The following CALN1 variants were observed in gnomAD, a reference collection of about 807,000 sequenced individuals.
CALN1 encodes calcium-binding protein 8.
CALN1 carries 17 observed loss-of-function variants against 30.6 expected under a neutral mutation model. That is an observed-to-expected ratio of 0.56 (90% CI 0.38 to 0.83). The LOEUF (loss-of-function observed/expected upper bound fraction) is 0.83, where lower values mean the gene tolerates loss of function less well. Ranked by LOEUF, CALN1 falls within the 40% of genes least tolerant of loss-of-function variation. The pLI is 0.00. For missense variants in CALN1, 291 were observed against 354.9 expected, an observed-to-expected ratio of 0.82 and a Z score of 1.45; for synonymous variants, 156 against 131.4, an observed-to-expected ratio of 1.19 and a Z score of -1.28.
At chr7:72,168,772 C>T (rs991871909) in intron 3 of CALN1, among the ~76,000 whole-genome samples, 1 of 150,782 alleles carries the variant, frequency 6.6e-6, no homozygotes, top group African/African-American at 2.4e-5. Flanking sequence ...CTGAGAAACA[C>T]TTCAAGGATG....
intron 5 of CALN1, among the ~76,000 whole-genome samples, chr7:71,907,625 T>C (rs1317412451): frequency 6.6e-6 from 1 of 152,230 alleles, no homozygotes; most frequent in Non-Finnish European, 1.5e-5. Context: ...CGATAATACC[T>C]ACTTTGCTAG....
intron 3 of CALN1, among the ~76,000 whole-genome samples, chr7:72,215,572 G>A (rs1792735043): frequency 7.7e-6 from 1 of 129,162 alleles, no homozygotes; most frequent in South Asian, 2.5e-4. Context: ...CTAGCTGGGT[G>A]ACAAGAGCGA....
chr7:72,014,085 CTTTTT>C (rs71092941), intron 5 of CALN1, among the ~76,000 whole-genome samples: 1 of 123,400 alleles, frequency 8.1e-6, no homozygotes, highest in African/African-American at 3.0e-5. Flanking sequence ...TGAGTTGGCT[CTTTTT>C]TTTTTTTTTT....
chr7:71,903,330 G>A (rs946615460), intron 5 of CALN1, among the ~76,000 whole-genome samples: 2 of 152,058 alleles, frequency 1.3e-5, no homozygotes, highest in African/African-American at 4.8e-5. Context: ...AAACAAAGCA[G>A]TATGTTATTG....
intron 3 of CALN1, among the ~76,000 whole-genome samples, chr7:72,195,156 G>A (rs573544560): frequency 4.0e-4 from 61 of 152,212 alleles, no homozygotes; most frequent in Non-Finnish European, 7.2e-4. Flanking sequence ...TGCCTGAAGC[G>A]TCTGTCTTAC....
intron 2 of CALN1, among the ~76,000 whole-genome samples, chr7:72,398,620 G>C (rs1295121119): frequency 6.6e-6 from 1 of 152,182 alleles, no homozygotes; most frequent in Non-Finnish European, 1.5e-5. Context: ...CTTCTAGGTG[G>C]CATCATGGAT....
chr7:72,346,105 T>G (rs1336829629), intron 2 of CALN1, among the ~76,000 whole-genome samples: 1 of 152,246 alleles, frequency 6.6e-6, no homozygotes, highest in African/African-American at 2.4e-5. Context: ...AGTCTATTTA[T>G]TCTTAATTTC....
At chr7:72,138,099 A>G (rs1273392345) in intron 3 of CALN1, among the ~76,000 whole-genome samples, 6 of 152,222 alleles carry the variant, frequency 3.9e-5, no homozygotes, top group Non-Finnish European at 5.9e-5. Flanking sequence ...CAAAAACCAC[A>G]TTTAGTAAAT....
chr7:71,952,733 A>G (rs913923203), intron 5 of CALN1, among the ~76,000 whole-genome samples: 4 of 151,952 alleles, frequency 2.6e-5, no homozygotes, highest in Admixed American at 6.6e-5. Flanking sequence ...CTCTTGCACA[A>G]TCTGCTGAAT....
intron 5 of CALN1, among the ~76,000 whole-genome samples, chr7:71,850,452 A>C (rs1344727899): frequency 6.6e-6 from 1 of 152,220 alleles, no homozygotes; most frequent in Non-Finnish European, 1.5e-5. Context: ...TCCTGACCTC[A>C]GATGATTCAC....
intron 2 of CALN1, among the ~76,000 whole-genome samples, chr7:72,289,485 C>A (rs1168223564): frequency 6.6e-6 from 1 of 152,186 alleles, no homozygotes. Context: ...AAATGTTTAG[C>A]ACTTGGTCTC....
chr7:71,873,293 C>G (rs554930173), intron 5 of CALN1, among the ~76,000 whole-genome samples: 1 of 152,224 alleles, frequency 6.6e-6, no homozygotes, highest in South Asian at 2.1e-4. Context: ...CAGGTGTGAG[C>G]CACCACGCCC....
intron 5 of CALN1, among the ~76,000 whole-genome samples, chr7:71,922,581 C>T (rs1478245000): frequency 7.5e-6 from 1 of 132,782 alleles, no homozygotes; most frequent in African/African-American, 2.8e-5. Context: ...ATATAACACA[C>T]AGAATGTATT....
intron 2 of CALN1, among the ~76,000 whole-genome samples, chr7:72,300,068 GAT>G (rs1799150159): frequency 6.6e-6 from 1 of 151,634 alleles, no homozygotes; most frequent in Non-Finnish European, 1.5e-5. Flanking sequence ...TTTTAACAGA[GAT>G]AGGGTTTCAC....
At chr7:71,883,644 T>C (rs1792718587) in intron 5 of CALN1, among the ~76,000 whole-genome samples, 1 of 152,202 alleles carries the variant, frequency 6.6e-6, no homozygotes, top group Non-Finnish European at 1.5e-5. Context: ...CCTCTAAGAC[T>C]TCCAGTGTAT....
intron 2 of CALN1, among the ~76,000 whole-genome samples, chr7:72,335,955 T>A (rs1353900098): frequency 6.6e-6 from 1 of 152,134 alleles, no homozygotes; most frequent in Non-Finnish European, 1.5e-5. Flanking sequence ...GCTGCGCTAG[T>A]CCGGAGAAAC....
At chr7:72,399,752 T>G (rs1036536356) in intron 2 of CALN1, among the ~76,000 whole-genome samples, 1 of 152,162 alleles carries the variant, frequency 6.6e-6, no homozygotes, top group African/African-American at 2.4e-5. Context: ...GGATATAGCT[T>G]GGGTATTTGT....
intron 2 of CALN1, among the ~76,000 whole-genome samples, chr7:72,300,102 G>C (rs954938348): frequency 6.6e-6 from 1 of 151,840 alleles, no homozygotes; most frequent in Non-Finnish European, 1.5e-5. Context: ...GGCTGGTCTC[G>C]AACTCCTGAC....
intron 2 of CALN1, among the ~76,000 whole-genome samples, chr7:72,393,171 A>G (rs1168880956): frequency 6.6e-6 from 1 of 152,140 alleles, no homozygotes; most frequent in Non-Finnish European, 1.5e-5. Context: ...TTTTTGCCTT[A>G]AAAACTAGCA....
Sources: allele counts gnomAD v4.1 joint callset (sites outside exome capture counted in the v4.1 genomes callset), GRCh38; gene constraint gnomAD v4.1.1; transcripts MANE v1.5; gene names NCBI Gene and HGNC (gene_info 2026-07-23, HGNC 2026-07-21).